The following AKAP6 variants were observed in gnomAD, a reference collection of about 807,000 sequenced individuals.
AKAP6 encodes the protein A-kinase anchoring protein 6.
A neutral mutation model predicts 188.5 loss-of-function variants in AKAP6; 58 were observed. That is an observed-to-expected ratio of 0.31 (90% CI 0.25 to 0.38). AKAP6 has a LOEUF of 0.38. AKAP6 is among the 10% of genes least tolerant of loss of function. AKAP6 has a pLI of 1.00. For synonymous variants in AKAP6, 989 were observed against 998.6 expected (o/e 0.99, Z 0.18); for missense variants, 2,710 against 2,740.0 (o/e 0.99, Z 0.24).
intron 2 of AKAP6, among the ~76,000 whole-genome samples, chr14:32,436,519 C>T (rs1298625026): frequency 6.6e-6 from 1 of 152,234 alleles, no homozygotes; most frequent in Non-Finnish European, 1.5e-5. Context: ...AACACTACTG[C>T]TGCCATCCTA....
At chr14:32,622,721 T>C (rs1490149799) in intron 7 of AKAP6, among the ~76,000 whole-genome samples, 2 of 152,172 alleles carry the variant, frequency 1.3e-5, no homozygotes, top group Admixed American at 6.6e-5. Context: ...CTTCTTGTTC[T>C]CATGCAAAGG....
At chr14:32,673,635 T>C (rs1174529922) in intron 7 of AKAP6, among the ~76,000 whole-genome samples, 1 of 152,166 alleles carries the variant, frequency 6.6e-6, no homozygotes, top group Non-Finnish European at 1.5e-5. Context: ...CTTGGGAGGC[T>C]GAGGTAGGAG....
intron 7 of AKAP6, among the ~76,000 whole-genome samples, chr14:32,621,302 G>T (rs1886807633): frequency 6.6e-6 from 1 of 151,994 alleles, no homozygotes; most frequent in Admixed American, 6.6e-5. Context: ...ACTTTTTGAT[G>T]TAGGCATTTA....
intron 11 of AKAP6, among the ~76,000 whole-genome samples, chr14:32,762,671 A>G (rs1566693931): frequency 6.6e-6 from 1 of 150,560 alleles, no homozygotes; most frequent in Non-Finnish European, 1.5e-5. Flanking sequence ...ATTTTTTCCA[A>G]CAGAAAAAAA....
rs576625392 is a variant in AKAP6, at chr14:32,551,973, T to C, written c.2346+4974T>C. Among the ~76,000 whole-genome samples the C allele has an allele frequency of 5.3e-5, 8 of 152,294 alleles. No homozygotes were observed. In the East Asian group the frequency reaches 1.5e-3, roughly 29 times the overall value. ...GAGCCACCACGCCCGGCCTACATTC[T>C]GTAATTTTATATAATTTTCTAATGT... On this transcript the variant is annotated intron_variant, in intron 4 of 13. Transcript: ENST00000280979.
intron 1 of AKAP6, among the ~76,000 whole-genome samples, chr14:32,365,317 C>G (rs1348889097): frequency 6.6e-6 from 1 of 152,158 alleles, no homozygotes; most frequent in Non-Finnish European, 1.5e-5. Flanking sequence ...CTTCTGTAGC[C>G]TAGAATGCAT....
At chr14:32,368,596 A>G (rs1364067836) in intron 1 of AKAP6, among the ~76,000 whole-genome samples, 1 of 152,154 alleles carries the variant, frequency 6.6e-6, no homozygotes, top group Non-Finnish European at 1.5e-5. Context: ...AGGAACAGGT[A>G]CCAACATACG....
intron 4 of AKAP6, among the ~76,000 whole-genome samples, chr14:32,548,406 C>CT (rs1883297340): frequency 1.4e-5 from 2 of 144,806 alleles, no homozygotes; most frequent in African/African-American, 5.2e-5. Context: ...GTGGCCCATA[C>CT]ATTTTTTTTT....
intron 1 of AKAP6, among the ~76,000 whole-genome samples, chr14:32,420,909 T>TTTTTTTTGTGTGTGTGTG (rs1555327187): frequency 6.8e-6 from 1 of 146,410 alleles, no homozygotes; most frequent in African/African-American, 2.5e-5. Context: ...GGAGATTGAT[T>TTTTTTTTGTGTGTGTGTG]TGTGTGTGTG....
intron 7 of AKAP6, among the ~76,000 whole-genome samples, chr14:32,672,413 A>G (rs9806043): frequency 0.31 from 46,642 of 151,940 alleles, 8,571 homozygotes; most frequent in East Asian, 0.5. Flanking sequence ...TGGAAGTCCA[A>G]GATTGAGGTG....
At chr14:32,444,576 A>G (rs1291645534) in intron 2 of AKAP6, among the ~76,000 whole-genome samples, 2 of 152,190 alleles carry the variant, frequency 1.3e-5, no homozygotes, top group Non-Finnish European at 2.9e-5. Flanking sequence ...TGAATAAGGA[A>G]GATTTGCCAA....
At position 32,744,274 on chromosome 14, in the gene AKAP6, T is replaced by C. The variant is rs1002046385; in HGVS notation, c.3372+8392T>C. Among the ~76,000 whole-genome samples the C allele has an allele frequency of 1.5e-4, 23 of 152,036 alleles. 1 individual carries two copies. The highest frequency in any genetic ancestry group is 1.5e-3 in the Admixed American group (23 of 15,250). ...GAGGTAGCCTTCTTTGGGTTAAATC[T>C]GCTTGGTGTTATATTCTGTTCTTTT... is the stretch of plus-strand genomic sequence containing the variant. On this transcript the variant is annotated intron_variant, in intron 11 of 13. Coordinates refer to ENST00000280979, the MANE Select transcript of AKAP6 (RefSeq NM_004274.5).
intron 2 of AKAP6, among the ~76,000 whole-genome samples, chr14:32,486,426 C>T (rs4390487): frequency 0.67 from 101,977 of 151,836 alleles, 35,710 homozygotes; most frequent in East Asian, 0.89. Flanking sequence ...ATTTTCACAA[C>T]ATTGATTTTT....
chr14:32,421,530 TATA>T (rs1323817508), intron 1 of AKAP6, among the ~76,000 whole-genome samples: 1 of 152,164 alleles, frequency 6.6e-6, no homozygotes, highest in African/African-American at 2.4e-5. Context: ...ATTTTATGGA[TATA>T]ATATCTTATC....
At chr14:32,798,083 G>A (rs2033828801) in intron 12 of AKAP6, among the ~76,000 whole-genome samples, 1 of 151,994 alleles carries the variant, frequency 6.6e-6, no homozygotes, top group African/African-American at 2.4e-5. Flanking sequence ...AATGAGCAAA[G>A]GACATGAACA....
intron 4 of AKAP6, among the ~76,000 whole-genome samples, chr14:32,570,193 C>A (rs8009487): frequency 0.017 from 2,345 of 134,586 alleles, 64 homozygotes; most frequent in African/African-American, 0.062. Flanking sequence ...TGCAGTGGAG[C>A]AATCTCGGCT....
chr14:32,429,508 A>C (rs146107746), intron 1 of AKAP6, among the ~76,000 whole-genome samples: 1 of 152,218 alleles, frequency 6.6e-6, no homozygotes, highest in African/African-American at 2.4e-5. Context: ...ATGACCATCC[A>C]TATATGCTAC....
intron 7 of AKAP6, among the ~76,000 whole-genome samples, chr14:32,622,739 G>A (rs1886866887): frequency 6.6e-6 from 1 of 152,116 alleles, no homozygotes; most frequent in African/African-American, 2.4e-5. Flanking sequence ...AGGCAGGTGG[G>A]GAGCTGTGGC....
At chr14:32,809,245 G>A (rs780557022) in intron 12 of AKAP6, among the ~76,000 whole-genome samples, 5 of 152,164 alleles carry the variant, frequency 3.3e-5, no homozygotes, top group African/African-American at 4.8e-5. Flanking sequence ...TTTAACATGC[G>A]TATTAATCTC....
Sources: allele counts gnomAD v4.1 joint callset (sites outside exome capture counted in the v4.1 genomes callset), GRCh38; gene constraint gnomAD v4.1.1; transcripts MANE v1.5; gene names NCBI Gene and HGNC (gene_info 2026-07-23, HGNC 2026-07-21).